FRA10AC1: variants seen among roughly 807,000 people sequenced by gnomAD.
FRA10AC1 encodes protein FRA10AC1.
FRA10AC1 carries 43 observed loss-of-function variants against 56.5 expected under a neutral mutation model. The ratio of observed to expected loss-of-function variants is 0.76; its 90% CI spans 0.60 to 0.98. The LOEUF is 0.98. FRA10AC1 is among the 50% of genes least tolerant of loss of function. The pLI, the probability that FRA10AC1 is intolerant of heterozygous loss-of-function variation, is 0.00. For missense variants in FRA10AC1, 346 were observed against 351.8 expected (o/e 0.98, Z 0.13); for synonymous variants, 112 against 110.5 (o/e 1.01, Z -0.09).
At chr10:93,673,390 T>C (rs1183380033) in intron 12 of FRA10AC1, 2 of 456,326 alleles carry the variant, frequency 4.4e-6, no homozygotes, top group Non-Finnish European at 8.8e-6. Context: ...CAATATAATT[T>C]CAAGTTTTCT....
intron 4 of FRA10AC1, among the ~76,000 whole-genome samples, chr10:93,695,733 GAA>G (rs1025185850): frequency 3.6e-5 from 5 of 140,676 alleles, no homozygotes; most frequent in Admixed American, 7.1e-5. Flanking sequence ...AATATTTCAG[GAA>G]AAAAAAAAAA....
At chr10:93,702,240 A>G (rs2059346207) in intron 1 of FRA10AC1, 135 bp downstream of exon 1, 1 of 151,668 alleles carries the variant, frequency 6.6e-6, no homozygotes, top group African/African-American at 2.4e-5. Context: ...AGGTGTCTCC[A>G]GAATCTGTCA....
At chr10:93,691,869 C>T in intron 7 of FRA10AC1, 140 bp downstream of exon 7, 1 of 881,500 alleles carries the variant, frequency 1.1e-6, no homozygotes, top group Non-Finnish European at 1.6e-6. Context: ...TTAAATGGTC[C>T]AAATGACACA....
chr10:93,689,294 A>G (rs958230084), intron 7 of FRA10AC1, among the ~76,000 whole-genome samples: 1 of 151,972 alleles, frequency 6.6e-6, no homozygotes, highest in East Asian at 1.9e-4. Flanking sequence ...TCATTAATCT[A>G]TTACTTGAAT....
chr10:93,684,571 C>T (rs530659730), intron 9 of FRA10AC1, among the ~76,000 whole-genome samples: 1 of 148,942 alleles, frequency 6.7e-6, no homozygotes, highest in South Asian at 2.2e-4. Flanking sequence ...CCAGAAGGAA[C>T]TCAGAAATCA....
chr10:93,676,502 T>A, intron 12 of FRA10AC1, 151 bp downstream of exon 12: 1 of 1,184,890 alleles, frequency 8.4e-7, no homozygotes, highest in Non-Finnish European at 1.1e-6. Context: ...CCTATACACT[T>A]TTGGCCTTTT....
chr10:93,698,334 G>A lies in FRA10AC1; in HGVS notation c.140C>T (p.Ala47Val). Residue 47 changes from alanine (A) to valine (V), a missense_variant, in exon 3 of 14, where the codon GCC (alanine) becomes GTC (valine). Ala to Val is a moderately conservative substitution (Grantham distance 64). Transcript: ENST00000359204. ...PFQKEKHGKV[A>V]HKQVAAELLD... ...CAATTCTGCTGCAACTTGTTTATGG[G>A]CCACCTTTCCATGTTTTTCTTTCTG... 6.2e-7 allele frequency: 1 copy of A among 1,611,298 alleles called. No homozygotes were observed. Among genetic ancestry groups the A allele is most frequent in the Non-Finnish European group, 8.5e-7 (1 of 1,178,306 alleles).
intron 11 of FRA10AC1, among the ~76,000 whole-genome samples, chr10:93,679,716 GA>G (rs1310964934): frequency 6.6e-6 from 1 of 152,068 alleles, no homozygotes; most frequent in Non-Finnish European, 1.5e-5. Flanking sequence ...AAAACAACAG[GA>G]AATCACTGAT....
intron 7 of FRA10AC1, among the ~76,000 whole-genome samples, chr10:93,689,127 T>G (rs911985071): frequency 1.3e-5 from 2 of 149,624 alleles, no homozygotes; most frequent in Non-Finnish European, 3.0e-5. Context: ...CCTGCCTGGC[T>G]AATTTTATTT....
In FRA10AC1 at chr10:93,669,671, C is replaced by G; in HGVS notation, c.*155G>C. On this transcript the variant is annotated 3_prime_UTR_variant, in exon 14 of 14. Coordinates refer to ENST00000359204, the MANE Select transcript of FRA10AC1 (RefSeq NM_145246.5). Reference sequence around the variant, plus strand: ...AATTGAACTAATGAACTTCCAAAGCCTCTGACATTCTGAGAGAACCTGGAT... The same window carrying G: ...AATTGAACTAATGAACTTCCAAAGCGTCTGACATTCTGAGAGAACCTGGAT... 1.6e-6 allele frequency: 1 copy of G among 607,640 alleles called. No individual in the cohort carries two copies. The highest frequency in any genetic ancestry group is 2.1e-5 in the South Asian group (1 of 47,268). The allele number at this position is 607,640 out of a possible 1,614,324, so 37.6% of individuals were successfully genotyped here.
At chr10:93,674,938 T>A (rs997910861) in intron 12 of FRA10AC1, 2 of 152,202 alleles carry the variant, frequency 1.3e-5, no homozygotes, top group African/African-American at 4.8e-5. Flanking sequence ...GAAGTATGTA[T>A]CTATGATTTC....
rs1478247107 is a variant in FRA10AC1 at position 93,669,568 on chromosome 10, C to G, written c.*258G>C. 5 of 416,948 alleles carry G rather than the reference C, an allele frequency of 1.2e-5. No homozygotes were observed. The highest frequency in any genetic ancestry group is 4.4e-5 in the Admixed American group (1 of 22,924). The allele number at this position is 416,948 out of a possible 1,614,324, so 25.8% of individuals were successfully genotyped here. On this transcript the variant is annotated 3_prime_UTR_variant, in exon 14 of 14. Transcript: ENST00000359204. ...TAGGAACAATGGAATCTGTCCAGCTCTATCCTCTAGGAGCTACAAATAAAA... is the reference window on the plus strand; with the variant it reads ...TAGGAACAATGGAATCTGTCCAGCTGTATCCTCTAGGAGCTACAAATAAAA...
chr10:93,699,295 T>C (rs929639337), intron 2 of FRA10AC1, among the ~76,000 whole-genome samples: 7 of 152,072 alleles, frequency 4.6e-5, no homozygotes, highest in African/African-American at 1.7e-4. Flanking sequence ...GTTCAGAACC[T>C]GTTAGTATGC....
At chr10:93,687,533 C>A in intron 7 of FRA10AC1, 84 bp from the exon 8 acceptor site, 2 of 1,229,726 alleles carry the variant, frequency 1.6e-6, no homozygotes, top group Non-Finnish European at 2.2e-6. Flanking sequence ...TGACATTCAC[C>A]AACCTAAAAA....
chr10:93,689,050 T>A (rs922175296), intron 7 of FRA10AC1, among the ~76,000 whole-genome samples: 1 of 129,328 alleles, frequency 7.7e-6, no homozygotes, highest in Non-Finnish European at 1.6e-5. Flanking sequence ...TAACTTCAGT[T>A]TGTTGTGGGG....
intron 3 of FRA10AC1, 43 bp downstream of exon 3, chr10:93,698,258 G>T (rs1238000012): frequency 1.3e-6 from 2 of 1,517,460 alleles, no homozygotes; most frequent in Non-Finnish European, 1.8e-6. Flanking sequence ...CTAATCCGAA[G>T]CAACTTAAAC....
intron 10 of FRA10AC1, 144 bp downstream of exon 10, chr10:93,683,912 T>A: frequency 1.6e-6 from 1 of 609,300 alleles, no homozygotes; most frequent in Non-Finnish European, 2.9e-6. Flanking sequence ...CTCGTTTATG[T>A]AGCCATACGA....
chr10:93,669,943 TAAAA>T (rs1266221762), intron 13 of FRA10AC1, 75 bp from the exon 14 acceptor site: 2 of 736,294 alleles, frequency 2.7e-6, no homozygotes, highest in African/African-American at 3.7e-5. Context: ...ATGAGATTAA[TAAAA>T]ATAAAATACT....
chr10:93,701,239 T>G (rs1405712952), intron 1 of FRA10AC1, among the ~76,000 whole-genome samples: 1 of 152,226 alleles, frequency 6.6e-6, no homozygotes, highest in East Asian at 1.9e-4. Flanking sequence ...GATGGACTAT[T>G]TGATGTCATA....
Sources: gnomAD v4.1 joint callset for allele counts (sites outside exome capture counted in the v4.1 genomes callset) on GRCh38, gnomAD v4.1.1 for gene constraint, MANE v1.5 for transcripts, NCBI Gene and HGNC (gene_info 2026-07-23, HGNC 2026-07-21) for gene names.